CLVS1: variants seen among roughly 807,000 people sequenced by gnomAD.
CLVS1 encodes clavesin-1.
A neutral mutation model predicts 33.1 loss-of-function variants in CLVS1; 10 were observed. The ratio of observed to expected loss-of-function variants is 0.30; its 90% CI spans 0.19 to 0.51. CLVS1 has a LOEUF of 0.51. Among genes scored for constraint, CLVS1 ranks in the 20% least tolerant of loss-of-function variants. The pLI is 0.97. For synonymous variants in CLVS1, 163 were observed against 166.1 expected (o/e 0.98, Z 0.14); for missense variants, 343 against 433.4 (o/e 0.79, Z 1.85).
chr8:61,283,813 A>T (rs1264769465), upstream of CLVS1, among the ~76,000 whole-genome samples: 1 of 152,214 alleles, frequency 6.6e-6, no homozygotes, highest in African/African-American at 2.4e-5. Context: ...TTAAAAAATA[A>T]ATTGTGTAGT....
At chr8:61,205,377 A>G (rs1807818987) in intron 2 of CLVS1, among the ~76,000 whole-genome samples, 2 of 152,122 alleles carry the variant, frequency 1.3e-5, no homozygotes, top group African/African-American at 2.4e-5. Context: ...ATCATACAGT[A>G]TTTGTCCTTT....
At chr8:61,472,332 T>G (rs1027717645) in intron 5 of CLVS1, among the ~76,000 whole-genome samples, 3 of 151,458 alleles carry the variant, frequency 2.0e-5, no homozygotes, top group Non-Finnish European at 4.4e-5. Flanking sequence ...ACATAGTTTC[T>G]GGAGAGGGGA....
the CLVS1 span, among the ~76,000 whole-genome samples, chr8:61,050,992 G>A: frequency 2.6e-5 from 4 of 152,326 alleles, no homozygotes; most frequent in East Asian, 5.8e-4. Context: ...ATTTCCATCC[G>A]ACTGAGGAGT....
intron 3 of CLVS1, among the ~76,000 whole-genome samples, chr8:61,396,350 T>G (rs969912081): frequency 6.6e-6 from 1 of 152,106 alleles, no homozygotes; most frequent in Non-Finnish European, 1.5e-5. Context: ...TAAAAAGTAA[T>G]AAAAAATTGT....
At chr8:61,241,658 C>A (rs1241637444) in intron 2 of CLVS1, among the ~76,000 whole-genome samples, 1 of 152,140 alleles carries the variant, frequency 6.6e-6, no homozygotes, top group Non-Finnish European at 1.5e-5. Context: ...ACATTGGGAA[C>A]CTTGCAAGAC....
intron 1 of CLVS1, among the ~76,000 whole-genome samples, chr8:61,101,120 A>G (rs1214150992): frequency 6.6e-6 from 1 of 152,192 alleles, no homozygotes. Context: ...ATATAGTAAC[A>G]TGACCATACG....
chr8:61,419,396 C>CAAAAAAAAAAA (rs10635998), intron 3 of CLVS1, among the ~76,000 whole-genome samples: 55 of 70,326 alleles, frequency 7.8e-4, no homozygotes, highest in African/African-American at 2.3e-3. Context: ...GACTCCGTCT[C>CAAAAAAAAAAA]AAAAAAAAAA....
At chr8:61,042,394 T>C in the CLVS1 span, among the ~76,000 whole-genome samples, 1 of 152,206 alleles carries the variant, frequency 6.6e-6, no homozygotes, top group Non-Finnish European at 1.5e-5. Flanking sequence ...GAGAAGACCT[T>C]CTTAGTCCAT....
intron 2 of CLVS1, among the ~76,000 whole-genome samples, chr8:61,190,180 A>G (rs1017856322): frequency 1.3e-5 from 2 of 152,252 alleles, no homozygotes; most frequent in Admixed American, 6.5e-5. Flanking sequence ...TGTCTCTCAG[A>G]CCACAGTGCG....
At chr8:61,351,147 C>T (rs1016618526) in intron 2 of CLVS1, among the ~76,000 whole-genome samples, 9 of 151,638 alleles carry the variant, frequency 5.9e-5, no homozygotes, top group Non-Finnish European at 1.3e-4. Flanking sequence ...CTAAATAGGA[C>T]CATATAAATG....
chr8:60,988,426 C>T, the CLVS1 span, among the ~76,000 whole-genome samples: 8 of 152,008 alleles, frequency 5.3e-5, no homozygotes, highest in Non-Finnish European at 1.0e-4. Flanking sequence ...CCCGTGGGCC[C>T]GGGTTCCTCA....
chr8:61,386,742 A>G (rs1319393934), intron 3 of CLVS1, among the ~76,000 whole-genome samples: 4 of 152,206 alleles, frequency 2.6e-5, no homozygotes, highest in Non-Finnish European at 5.9e-5. Flanking sequence ...CGGTAAATAC[A>G]AGGATGCTGC....
intron 2 of CLVS1, among the ~76,000 whole-genome samples, chr8:61,187,336 T>A (rs1461718852): frequency 6.6e-6 from 1 of 152,156 alleles, no homozygotes; most frequent in Non-Finnish European, 1.5e-5. Flanking sequence ...CCTCATTTCC[T>A]TATTGTCTTT....
chr8:61,033,039 AAGAAAGAAAAAGAAAGAAAGAT>A, the CLVS1 span, among the ~76,000 whole-genome samples: 1 of 112,524 alleles, frequency 8.9e-6, no homozygotes, highest in Non-Finnish European at 2.0e-5. Flanking sequence ...GAAAGAAAGA[AAGAAAGAAAAAGAAAGAAAGAT>A]AGAAAGAAAG....
At chr8:61,354,439 A>C (rs532309738) in intron 2 of CLVS1, among the ~76,000 whole-genome samples, 40 of 152,182 alleles carry the variant, frequency 2.6e-4, no homozygotes, top group African/African-American at 9.1e-4. Flanking sequence ...AAAAAACTGT[A>C]CATGGGATTA....
intron 3 of CLVS1, among the ~76,000 whole-genome samples, chr8:61,445,052 G>C (rs1211018742): frequency 1.3e-5 from 2 of 152,122 alleles, no homozygotes; most frequent in African/African-American, 2.4e-5. Context: ...AGATGTCAAA[G>C]CATTAAATAT....
the CLVS1 span, among the ~76,000 whole-genome samples, chr8:61,022,268 G>A: frequency 6.6e-6 from 1 of 152,202 alleles, no homozygotes; most frequent in Non-Finnish European, 1.5e-5. Flanking sequence ...TGTTTTCCAA[G>A]AAAAGCTCTT....
At chr8:61,109,112 C>T (rs1409810534) in intron 1 of CLVS1, among the ~76,000 whole-genome samples, 1 of 152,052 alleles carries the variant, frequency 6.6e-6, no homozygotes, top group Non-Finnish European at 1.5e-5. Flanking sequence ...TGAGGGGTTC[C>T]ATTTGGAGGG....
At chr8:61,066,146 A>G (rs1348471520) in intron 1 of CLVS1, among the ~76,000 whole-genome samples, 1 of 152,114 alleles carries the variant, frequency 6.6e-6, no homozygotes, top group Non-Finnish European at 1.5e-5. Context: ...TGTATCATCT[A>G]TATTGTTTTC....
Sources: allele counts gnomAD v4.1 joint callset (sites outside exome capture counted in the v4.1 genomes callset), GRCh38; gene constraint gnomAD v4.1.1; transcripts MANE v1.5; gene names NCBI Gene and HGNC (gene_info 2026-07-23, HGNC 2026-07-21).